The following RNGTT variants were observed in gnomAD, a reference collection of about 807,000 sequenced individuals.
The protein encoded by RNGTT is mRNA-capping enzyme.
RNGTT carries 33 observed loss-of-function variants against 79.3 expected under a neutral mutation model. That is an observed-to-expected ratio of 0.42 (90% CI 0.32 to 0.56). The LOEUF is 0.56. RNGTT is among the 20% of genes least tolerant of loss of function. The probability of loss-of-function intolerance (pLI) is 0.17; values close to 1 mark genes in which losing one functional copy is unlikely to be tolerated. For missense variants in RNGTT, 497 were observed against 739.1 expected (o/e 0.67, Z 3.80); for synonymous variants, 222 against 235.9 (o/e 0.94, Z 0.54).
chr6:88,847,263 C>A (rs1427685080), intron 10 of RNGTT, among the ~76,000 whole-genome samples: 2 of 151,852 alleles, frequency 1.3e-5, no homozygotes, highest in Non-Finnish European at 2.9e-5. Context: ...CATGTGAATT[C>A]TTTAAAGGCA....
At chr6:88,835,260 A>G (rs1027592883) in intron 11 of RNGTT, among the ~76,000 whole-genome samples, 1 of 151,784 alleles carries the variant, frequency 6.6e-6, no homozygotes, top group Non-Finnish European at 1.5e-5. Context: ...GGACTTGCTT[A>G]TTTTTTTTAA....
At chr6:88,946,703 G>C (rs946640723) in intron 1 of RNGTT, among the ~76,000 whole-genome samples, 28 of 151,178 alleles carry the variant, frequency 1.9e-4, no homozygotes, top group African/African-American at 6.6e-4. Flanking sequence ...CTCTCATGCG[G>C]AGCCGAAGCT....
At chr6:88,852,382 C>T (rs59456292) in intron 9 of RNGTT, among the ~76,000 whole-genome samples, 7 of 151,982 alleles carry the variant, frequency 4.6e-5, no homozygotes, top group East Asian at 1.9e-4. Flanking sequence ...AATTATAATG[C>T]TAAAAAAAGT....
chr6:88,772,306 T>C (rs943977138), intron 12 of RNGTT, among the ~76,000 whole-genome samples: 1 of 151,962 alleles, frequency 6.6e-6, no homozygotes, highest in Admixed American at 6.6e-5. Context: ...AGACATCATA[T>C]GTTCATGGAT....
At chr6:88,817,799 T>C (rs894311316) in intron 11 of RNGTT, among the ~76,000 whole-genome samples, 2 of 136,036 alleles carry the variant, frequency 1.5e-5, no homozygotes, top group Non-Finnish European at 3.1e-5. Flanking sequence ...TCGCTGTGTC[T>C]CCCAGGTTGG....
intron 12 of RNGTT, among the ~76,000 whole-genome samples, chr6:88,797,733 C>T (rs912966728): frequency 6.6e-6 from 1 of 151,386 alleles, no homozygotes; most frequent in Non-Finnish European, 1.5e-5. Flanking sequence ...TTTATGTCAC[C>T]ATAAAAATAT....
intron 11 of RNGTT, 130 bp downstream of exon 11, chr6:88,844,227 C>T (rs777643106): frequency 8.3e-5 from 67 of 811,442 alleles, no homozygotes; most frequent in Admixed American, 2.0e-4. Context: ...GCCAAAACAG[C>T]GCTATACCCA....
chr6:88,743,655 A>G (rs954609515), intron 13 of RNGTT, among the ~76,000 whole-genome samples: 9 of 152,164 alleles, frequency 5.9e-5, no homozygotes, highest in African/African-American at 1.9e-4. Context: ...AGAATTTCCT[A>G]TCTTTTTAAG....
intron 13 of RNGTT, among the ~76,000 whole-genome samples, chr6:88,727,554 A>G (rs929726971): frequency 2.0e-5 from 3 of 152,268 alleles, no homozygotes; most frequent in African/African-American, 4.8e-5. Context: ...ATGGTCAGAC[A>G]TTAAAATTGG....
chr6:88,843,836 A>G (rs573515700), intron 11 of RNGTT, among the ~76,000 whole-genome samples: 82 of 151,274 alleles, frequency 5.4e-4, no homozygotes, highest in Non-Finnish European at 9.0e-4. Flanking sequence ...GATTACAGGC[A>G]TGAGCCACCG....
chr6:88,754,168 T>C (rs1274537105), intron 13 of RNGTT, among the ~76,000 whole-genome samples: 1 of 152,114 alleles, frequency 6.6e-6, no homozygotes, highest in East Asian at 1.9e-4. Context: ...CTCCAAAATA[T>C]CAGCCTGTGA....
rs554018152 is a variant in RNGTT at position 88,801,750 on chromosome 6, C to T, written c.1270-118G>A. On this transcript the variant is annotated intron_variant, in intron 11 of 15. Coordinates refer to ENST00000369485, the MANE Select transcript of RNGTT (RefSeq NM_003800.5). ...TATATAAGTTATAAGAACTGAAATA[C>T]AAAATAAGAGAAAGGGATAGGTCTA... 25 of 572,924 alleles carry T rather than the reference C, an allele frequency of 4.4e-5. 1 individual carries two copies. Among genetic ancestry groups the T allele is most frequent in the African/African-American group, 4.3e-4 (22 of 51,418 alleles). 35.5% of individuals were successfully genotyped at this position (572,924 alleles called of 1,614,324 possible). A position where few individuals can be genotyped will look rare whatever the true frequency, so the allele number is the denominator to read the frequency against.
At chr6:88,653,428 GA>G (rs1773867316) in intron 14 of RNGTT, among the ~76,000 whole-genome samples, 1 of 152,058 alleles carries the variant, frequency 6.6e-6, no homozygotes, top group African/African-American at 2.4e-5. Flanking sequence ...TTCCAGCTAA[GA>G]AAAATGCTAA....
intron 1 of RNGTT, among the ~76,000 whole-genome samples, chr6:88,943,201 A>G (rs1330069013): frequency 6.6e-6 from 1 of 152,178 alleles, no homozygotes; most frequent in Non-Finnish European, 1.5e-5. Context: ...CCTCTACTTT[A>G]TGTCTAACAG....
At position 88,684,040 on chromosome 6, in the gene RNGTT, AAAT is replaced by A. The variant is rs1775187567; in HGVS notation, c.1440-5624_1440-5622del. Among the ~76,000 whole-genome samples, 3 of 152,092 alleles carry A rather than the reference AAAT, an allele frequency of 2.0e-5. No homozygotes were observed. In the South Asian group the frequency reaches 6.2e-4, roughly 31 times the overall value. ...AAAACAAAAATTTAGAAAAAGAAAA[AAAT>A]AATAATCTGATTTAAAAATGAGCAA... On this transcript the variant is annotated intron_variant, in intron 13 of 15. Transcript: ENST00000369485.
At chr6:88,849,042 T>C (rs1301705616) in intron 10 of RNGTT, among the ~76,000 whole-genome samples, 1 of 151,732 alleles carries the variant, frequency 6.6e-6, no homozygotes, top group South Asian at 2.1e-4. Flanking sequence ...TGTCAAGAAG[T>C]AAAGGAGACA....
intron 2 of RNGTT, among the ~76,000 whole-genome samples, chr6:88,930,905 GCA>G (rs1194786303): frequency 6.6e-6 from 1 of 152,080 alleles, no homozygotes; most frequent in African/African-American, 2.4e-5. Context: ...GAAAATGTCA[GCA>G]CACATTTTCC....
chr6:88,906,830 G>GA (rs1360320484), intron 4 of RNGTT, among the ~76,000 whole-genome samples: 4 of 151,292 alleles, frequency 2.6e-5, no homozygotes, highest in Admixed American at 6.6e-5. Flanking sequence ...TTCTCTAGTA[G>GA]AAAAAAAACG....
At chr6:88,951,955 A>G (rs1341855206) in intron 1 of RNGTT, among the ~76,000 whole-genome samples, 8 of 152,312 alleles carry the variant, frequency 5.3e-5, no homozygotes, top group African/African-American at 1.4e-4. Context: ...ACTGCTGCAG[A>G]TATGAGCACA....
Sources: allele counts gnomAD v4.1 joint callset (sites outside exome capture counted in the v4.1 genomes callset), GRCh38; gene constraint gnomAD v4.1.1; transcripts MANE v1.5; gene names NCBI Gene and HGNC (gene_info 2026-07-23, HGNC 2026-07-21).